The following PLPP7 variants were observed in gnomAD, a reference collection of about 807,000 sequenced individuals.
PLPP7 encodes the protein inactive phospholipid phosphatase 7.
In PLPP7, 11 loss-of-function variants were observed where a neutral mutation model predicts 16.9. That is an observed-to-expected ratio of 0.65 (90% CI 0.41 to 1.08). PLPP7 has a LOEUF of 1.08. Ranked by LOEUF, PLPP7 falls within the 50% of genes least tolerant of loss-of-function variation. PLPP7 has a pLI of 0.00. For synonymous variants in PLPP7, 174 were observed against 175.1 expected, an observed-to-expected ratio of 0.99 and a Z score of 0.05; for missense variants, 358 against 397.1, an observed-to-expected ratio of 0.90 and a Z score of 0.84.
intron 1 of PLPP7, among the ~76,000 whole-genome samples, chr9:131,296,406 G>C (rs952042393): frequency 4.6e-5 from 7 of 152,144 alleles, no homozygotes; most frequent in African/African-American, 1.4e-4. Context: ...TGGGACTACA[G>C]GCGCCTGCCA....
chr9:131,307,990 G>T lies in PLPP7; in HGVS notation c.519G>T (p.Glu173Asp). The change falls in exon 2 of 2, where the codon GAG becomes GAT. Residue 173 changes from glutamate to aspartate, a missense_variant. By Grantham distance (45) the Glu-to-Asp change is conservative. Coordinates refer to ENST00000372264, the MANE Select transcript of PLPP7 (RefSeq NM_032728.4). ...QKLIKRRGPY[E>D]TSPSLLDYLT... ...TCATCAAGCGGCGCGGCCCGTACGAGACGAGCCCCAGCCTCCTGGACTACC... is the reference window on the plus strand; with the variant it reads ...TCATCAAGCGGCGCGGCCCGTACGATACGAGCCCCAGCCTCCTGGACTACC... The T allele has an allele frequency of 6.2e-7, 1 of 1,600,532 alleles. No individual in the cohort carries two copies. The highest frequency in any genetic ancestry group is 8.5e-7 in the Non-Finnish European group (1 of 1,179,714).
chr9:131,305,822 T>C (rs1835846088), intron 1 of PLPP7, among the ~76,000 whole-genome samples: 1 of 152,022 alleles, frequency 6.6e-6, no homozygotes, highest in Non-Finnish European at 1.5e-5. Flanking sequence ...ACAAACAGGG[T>C]TTTGCCATGT....
At chr9:131,298,679 G>T (rs1398025583) in intron 1 of PLPP7, among the ~76,000 whole-genome samples, 1 of 152,242 alleles carries the variant, frequency 6.6e-6, no homozygotes, top group Non-Finnish European at 1.5e-5. Context: ...ATTTTCAGAG[G>T]CCTCAGGAGG....
At chr9:131,297,753 C>A (rs1005152270) in intron 1 of PLPP7, among the ~76,000 whole-genome samples, 1 of 152,182 alleles carries the variant, frequency 6.6e-6, no homozygotes, top group African/African-American at 2.4e-5. Flanking sequence ...TTTTAAAGTG[C>A]AGAATTACAA....
intron 1 of PLPP7, among the ~76,000 whole-genome samples, chr9:131,304,164 C>A (rs971069829): frequency 6.6e-6 from 1 of 152,126 alleles, no homozygotes; most frequent in South Asian, 2.1e-4. Context: ...GGAGGGTTGA[C>A]CTGGAACCCC....
chr9:131,303,833 A>G (rs746135480), intron 1 of PLPP7, among the ~76,000 whole-genome samples: 15 of 151,978 alleles, frequency 9.9e-5, no homozygotes, highest in Admixed American at 3.3e-4. Flanking sequence ...CAGGTGAGGA[A>G]AGTTAGGTGG....
In PLPP7 at chr9:131,290,765, G is replaced by A. The variant is rs1438044096; in HGVS notation, c.451+317G>A. ...GAAGGGAGGCTGGGCCAGAGGCGGT[G>A]GCCTCAAGGGAGACGGTCAGGGCTC... On this transcript the variant is annotated intron_variant, in intron 1 of 1. Coordinates refer to ENST00000372264, the MANE Select transcript of PLPP7 (RefSeq NM_032728.4). This position sits in a 1 kb window ranked among gnomAD's most constrained non-coding sequence, Gnocchi z 4.2. Among the ~76,000 whole-genome samples, 5 of 152,206 alleles carry A rather than the reference G, an allele frequency of 3.3e-5. No homozygotes were observed. The highest frequency in any genetic ancestry group is 5.9e-5 in the Non-Finnish European group (4 of 68,032).
rs2131210082 is a variant in PLPP7, at chr9:131,290,148, C to A, written c.151C>A (p.Pro51Thr). Reference protein sequence around the residue: ...KASGPSAQPPPAGDGARERRQ... With the variant: ...KASGPSAQPPTAGDGARERRQ... ...CTCGGGCCCATCAGCACAGCCCCCACCTGCTGGTGACGGGGCCAGAGAGCG... is the reference window on the plus strand; with the variant it reads ...CTCGGGCCCATCAGCACAGCCCCCAACTGCTGGTGACGGGGCCAGAGAGCG... Residue 51 changes from proline (P) to threonine (T), a missense_variant, in exon 1 of 2, where the codon CCT becomes ACT. Pro to Thr is a conservative substitution (Grantham distance 38). Transcript: ENST00000372264. The surrounding 1 kb of genome is among the most constrained non-coding windows in gnomAD (Gnocchi z 4.2). 1 of 1,576,256 alleles carries A rather than the reference C, an allele frequency of 6.3e-7. No individual in the cohort carries two copies. Among genetic ancestry groups the A allele is most frequent in the Non-Finnish European group, 8.6e-7 (1 of 1,157,304 alleles).
In PLPP7 at chr9:131,308,315, GGGGGCAGGGCTGGCCCTAGAGAA is replaced by G. The variant is rs765626188; in HGVS notation, c.*38_*60del. ...CGCCCGCCGGCCCACACAAGCCTCT[GGGGGCAGGGCTGGCCCTAGAGAA>G]GGGGCAGGGGGTGGCGAGGTGGCGG... is the stretch of plus-strand genomic sequence containing the variant. On this transcript the variant is annotated 3_prime_UTR_variant, in exon 2 of 2. Coordinates refer to ENST00000372264, the MANE Select transcript of PLPP7 (RefSeq NM_032728.4). 152 of 1,566,614 alleles carry G rather than the reference GGGGGCAGGGCTGGCCCTAGAGAA, an allele frequency of 9.7e-5. No homozygotes were observed. In the Middle Eastern group the frequency reaches 1.7e-3, roughly 17 times the overall value.
intron 1 of PLPP7, among the ~76,000 whole-genome samples, chr9:131,303,906 G>C (rs533310759): frequency 6.6e-6 from 1 of 152,326 alleles, no homozygotes; most frequent in African/African-American, 2.4e-5. Flanking sequence ...GTCTCTGGCT[G>C]TGATGCCTGT....
At chr9:131,297,490 A>T (rs1197102987) in intron 1 of PLPP7, among the ~76,000 whole-genome samples, 1 of 150,294 alleles carries the variant, frequency 6.7e-6, no homozygotes, top group Non-Finnish European at 1.5e-5. Flanking sequence ...AGTTCAAGTG[A>T]TTCTCCTGCC....
chr9:131,298,459 G>C (rs1457287567), intron 1 of PLPP7, among the ~76,000 whole-genome samples: 1 of 152,082 alleles, frequency 6.6e-6, no homozygotes, highest in Non-Finnish European at 1.5e-5. Context: ...CTTGTTCCTT[G>C]CTTTAGAACA....
intron 1 of PLPP7, among the ~76,000 whole-genome samples, chr9:131,307,493 A>G (rs1835865529): frequency 1.5e-5 from 2 of 130,832 alleles, no homozygotes; most frequent in South Asian, 2.7e-4. Flanking sequence ...CGGAGGTTCC[A>G]GTGAGCCAAG....
rs1396221675 is a variant in PLPP7 at position 131,307,849 on chromosome 9, G to A, written c.452-74G>A. 2.8e-6 allele frequency: 4 copies of A among 1,436,554 alleles called. No individual in the cohort carries two copies. The East Asian group carries it at 9.6e-5, about 35-fold the overall frequency. 89.0% of individuals were successfully genotyped at this position (1,436,554 alleles called of 1,614,324 possible). On this transcript the variant is annotated intron_variant, in intron 1 of 1. Coordinates refer to ENST00000372264, the MANE Select transcript of PLPP7 (RefSeq NM_032728.4). ...AGGAGCAGAAAGGGGAGGCGAGGTGGAAATGTGGGGGGCCAGGGCCTGGGC... is the reference window on the plus strand; with the variant it reads ...AGGAGCAGAAAGGGGAGGCGAGGTGAAAATGTGGGGGGCCAGGGCCTGGGC...
At chr9:131,307,816 C>T in intron 1 of PLPP7, 107 bp from the exon 2 acceptor site, 2 of 1,202,502 alleles carry the variant, frequency 1.7e-6, no homozygotes, top group Non-Finnish European at 2.3e-6. Context: ...GGCTGAGTGG[C>T]CTGAGTGAGG....
chr9:131,301,051 G>A (rs575213431), intron 1 of PLPP7, among the ~76,000 whole-genome samples: 185 of 152,182 alleles, frequency 1.2e-3, no homozygotes, highest in Admixed American at 4.6e-3. Context: ...TCACTGCAAC[G>A]TCCATCTCCC....
chr9:131,302,779 C>T lies in PLPP7; in HGVS notation c.452-5144C>T, dbSNP rs566948328. On this transcript the variant is annotated intron_variant, in intron 1 of 1. Coordinates refer to ENST00000372264, the MANE Select transcript of PLPP7 (RefSeq NM_032728.4). ...TAATGAGAGGGGCCAGGAGATGCCA[C>T]GATTCAAACCCCAAACAGAGAGACC... Among the ~76,000 whole-genome samples the T allele has an allele frequency of 2.6e-5, 4 of 152,258 alleles. No individual in the cohort carries two copies. In the East Asian group the frequency reaches 7.7e-4, roughly 29 times the overall value.
intron 1 of PLPP7, among the ~76,000 whole-genome samples, chr9:131,293,975 T>C (rs1035718737): frequency 1.3e-5 from 2 of 152,182 alleles, no homozygotes; most frequent in Admixed American, 1.3e-4. Context: ...TGGGTTCCAC[T>C]TGGCTCTGAA....
intron 1 of PLPP7, among the ~76,000 whole-genome samples, chr9:131,293,403 C>T (rs138101128): frequency 7.1e-3 from 1,080 of 152,272 alleles, no homozygotes; most frequent in Non-Finnish European, 0.012. Flanking sequence ...CAGAGCAGGC[C>T]GGGTGGGTCT....
Sources: gnomAD v4.1 joint callset for allele counts (sites outside exome capture counted in the v4.1 genomes callset) on GRCh38, gnomAD v4.1.1 for gene constraint, Gnocchi (gnomAD v3.1) non-coding constraint, MANE v1.5 for transcripts, NCBI Gene and HGNC (gene_info 2026-07-23, HGNC 2026-07-21) for gene names.